Variants in SKA1 observed in about 807,000 individuals in gnomAD.
The protein encoded by SKA1 is spindle and kinetochore associated complex subunit 1.
SKA1 carries 20 observed loss-of-function variants against 31.8 expected under a neutral mutation model. The observed-to-expected ratio is 0.63, with a 90% CI of 0.44 to 0.91. The LOEUF (loss-of-function observed/expected upper bound fraction) is 0.91. Ranked by LOEUF, SKA1 falls within the 40% of genes least tolerant of loss-of-function variation. The pLI is 0.00. For missense variants in SKA1, 253 were observed against 298.2 expected (o/e 0.85, Z 1.12); for synonymous variants, 88 against 100.5 (o/e 0.88, Z 0.74).
At chr18:50,387,824 G>A (rs8086801) in intron 5 of SKA1, among the ~76,000 whole-genome samples, 9,226 of 152,164 alleles carry the variant, frequency 0.061, 790 homozygotes, top group African/African-American at 0.18. Flanking sequence ...TTGAGTTAGT[G>A]GTTTGATACT....
intron 2 of SKA1, among the ~76,000 whole-genome samples, 176 bp from the exon 3 acceptor site, chr18:50,379,950 T>G (rs767865554): frequency 1.2e-4 from 18 of 152,210 alleles, no homozygotes; most frequent in Non-Finnish European, 2.4e-4. Context: ...TGTTCCATAC[T>G]ACTTAGAAAT....
In SKA1 at chr18:50,392,374, G is replaced by T; in HGVS notation, c.*127G>T. 1 of 596,654 alleles carries T rather than the reference G, an allele frequency of 1.7e-6. No individual in the cohort carries two copies. Among genetic ancestry groups the T allele is most frequent in the Non-Finnish European group, 2.4e-6 (1 of 423,102 alleles). The allele number at this position is 596,654 out of a possible 1,614,324, so 37.0% of individuals were successfully genotyped here. A position where few individuals can be genotyped will look rare whatever the true frequency, so the allele number is the denominator to read the frequency against. On this transcript the variant is annotated 3_prime_UTR_variant, in exon 7 of 7. Transcript: ENST00000285116. ...TTCCTTTTTTTTTTTTTTGAGACAG[G>T]ATCTTGCTTTGTCACCCAGGGGCTT...
At position 50,392,347 on chromosome 18, in the gene SKA1, G is replaced by GT; in HGVS notation, c.*103dup. The stretch of plus-strand genomic sequence containing the variant: ...ATTTTTTTAACTTTTAATCTTTTTT[G>GT]TTTCCTTTTTTTTTTTTTTGAGACA... On this transcript the variant is annotated 3_prime_UTR_variant, in exon 7 of 7. Transcript: ENST00000285116. 2 of 784,016 alleles carry GT rather than the reference G, an allele frequency of 2.6e-6. No individual in the cohort carries two copies. 48.6% of individuals were successfully genotyped at this position (784,016 alleles called of 1,614,324 possible).
chr18:50,383,197 A>G (rs149690620), intron 4 of SKA1, among the ~76,000 whole-genome samples: 1 of 152,240 alleles, frequency 6.6e-6, no homozygotes, highest in East Asian at 1.9e-4. Flanking sequence ...CACCACACCT[A>G]GGGTGGTTGA....
At chr18:50,384,870 T>TAAAAAAAAAAAA (rs1568329774) in intron 4 of SKA1, among the ~76,000 whole-genome samples, 1 of 61,306 alleles carries the variant, frequency 1.6e-5, no homozygotes, top group Non-Finnish European at 2.9e-5. Context: ...AAAAAAAAAA[T>TAAAAAAAAAAAA]TAAAAAAAAA....
chr18:50,391,342 A>T, intron 6 of SKA1, 49 bp downstream of exon 6: 2 of 1,361,542 alleles, frequency 1.5e-6, no homozygotes, highest in South Asian at 4.2e-5. Flanking sequence ...TCAGAGTATA[A>T]CTAAATCACG....
intron 5 of SKA1, among the ~76,000 whole-genome samples, chr18:50,386,288 G>T (rs1448471352): frequency 6.6e-6 from 1 of 152,102 alleles, no homozygotes; most frequent in African/African-American, 2.4e-5. Flanking sequence ...AGGCTGTTTT[G>T]CAATTTTTTT....
chr18:50,384,269 G>A (rs1282276326), intron 4 of SKA1, among the ~76,000 whole-genome samples: 1 of 152,048 alleles, frequency 6.6e-6, no homozygotes. Context: ...AATATTACAG[G>A]TATTTCTTAT....
intron 6 of SKA1, among the ~76,000 whole-genome samples, chr18:50,391,618 ACT>A (rs1425970166): frequency 6.6e-6 from 1 of 152,184 alleles, no homozygotes. Flanking sequence ...CTATTGTGAA[ACT>A]ATGCCCAATG....
intron 3 of SKA1, 113 bp from the exon 4 acceptor site, chr18:50,382,016 C>T (rs1350047347): frequency 1.6e-5 from 11 of 671,270 alleles, no homozygotes; most frequent in South Asian, 6.0e-5. Flanking sequence ...TGAGCCACCG[C>T]GTCCAGCCAC....
At chr18:50,391,921 C>G (rs995382214) in intron 6 of SKA1, among the ~76,000 whole-genome samples, 178 bp from the exon 7 acceptor site, 19 of 152,202 alleles carry the variant, frequency 1.2e-4, no homozygotes, top group Non-Finnish European at 2.5e-4. Flanking sequence ...TAATAAATAT[C>G]ATGCATGCAA....
Position 50,392,120 on chromosome 18 carries a change from C to G in SKA1, c.641C>G (p.Ala214Gly), listed in dbSNP as rs2041361697. ...DTKGRYFIVE[A>G]DIKEFTTLKA... ...TTAGGTCGTTATTTTATAGTGGAAG[C>G]TGACATAAAGGAGTTCACAACTTTG... Residue 214 changes from alanine to glycine, a missense_variant, in exon 7 of 7, where the codon GCT becomes GGT. Transcript: ENST00000285116. The G allele has an allele frequency of 1.3e-6, 2 of 1,586,724 alleles. No homozygotes were observed. Among genetic ancestry groups the G allele is most frequent in the Admixed American group, 2.0e-5 (1 of 50,964 alleles).
intron 6 of SKA1, 40 bp downstream of exon 6, chr18:50,391,333 C>T (rs779754595): frequency 6.4e-6 from 9 of 1,396,558 alleles, no homozygotes; most frequent in Non-Finnish European, 8.5e-6. Flanking sequence ...GTGAACTGTT[C>T]AGAGTATAAC....
At chr18:50,385,125 C>G (rs1023248535) in intron 4 of SKA1, 91 bp from the exon 5 acceptor site, 2 of 1,018,496 alleles carry the variant, frequency 2.0e-6, no homozygotes, top group Non-Finnish European at 2.8e-6. Flanking sequence ...GGATGAGTTA[C>G]GTATTTAATA....
chr18:50,392,194 C>A lies in SKA1; in HGVS notation c.715C>A (p.Arg239=), dbSNP rs761495686. The stretch of plus-strand genomic sequence containing the variant: ...GTTACTGAATATTTTACGACACTGC[C>A]GGAGGCTATCAGAGGTCCGAGGGGG... ...HVLLNILRHC[R]RLSEVRGGGL... Residue 239 remains arginine (R), a synonymous_variant, in exon 7 of 7, where the codon CGG becomes AGG. Coordinates refer to ENST00000285116, the MANE Select transcript of SKA1 (RefSeq NM_145060.4). 134 of 1,607,522 alleles carry A rather than the reference C, an allele frequency of 8.3e-5. No individual in the cohort carries two copies. Among genetic ancestry groups the A allele is most frequent in the Non-Finnish European group, 1.1e-4 (127 of 1,178,720 alleles).
At position 50,384,494 on chromosome 18, in the gene SKA1, C is replaced by G. The variant is rs370997970; in HGVS notation, c.312-722C>G. The stretch of plus-strand genomic sequence containing the variant: ...TTGGGCAGATTGAATCCAGGGGTGA[C>G]CCATGATCATTGCTGGCAACTAAAA... On this transcript the variant is annotated intron_variant, in intron 4 of 6. Coordinates refer to ENST00000285116, the MANE Select transcript of SKA1 (RefSeq NM_145060.4). Among the ~76,000 whole-genome samples the G allele has an allele frequency of 2.0e-5, 3 of 152,164 alleles. No individual in the cohort carries two copies. In the East Asian group the frequency reaches 5.8e-4, roughly 29 times the overall value.
At chr18:50,390,749 G>A (rs747747479) in intron 5 of SKA1, among the ~76,000 whole-genome samples, 1 of 151,966 alleles carries the variant, frequency 6.6e-6, no homozygotes, top group Non-Finnish European at 1.5e-5. Context: ...TAGCACTAGA[G>A]TGCTATAAGT....
At chr18:50,379,159 C>A (rs576886146) in intron 2 of SKA1, among the ~76,000 whole-genome samples, 1 of 152,270 alleles carries the variant, frequency 6.6e-6, no homozygotes, top group South Asian at 2.1e-4. Flanking sequence ...GGTAGTTTTT[C>A]TTCTGTGCTT....
Position 50,392,088 on chromosome 18 carries a change from T to C in SKA1, c.620-11T>C. On this transcript the variant is annotated splice_polypyrimidine_tract_variant and intron_variant, in intron 6 of 6. Coordinates refer to ENST00000285116, the MANE Select transcript of SKA1 (RefSeq NM_145060.4). ...CCTTATAAAAATTAGCACTAATATC[T>C]TTATTTTTAGGTCGTTATTTTATAG... is the stretch of plus-strand genomic sequence containing the variant. 6.4e-7 allele frequency: 1 copy of C among 1,554,734 alleles called. No individual in the cohort carries two copies. The highest frequency in any genetic ancestry group is 8.6e-7 in the Non-Finnish European group (1 of 1,156,974).
Sources: allele counts gnomAD v4.1 joint callset (sites outside exome capture counted in the v4.1 genomes callset), GRCh38; gene constraint gnomAD v4.1.1; transcripts MANE v1.5; gene names NCBI Gene and HGNC (gene_info 2026-07-23, HGNC 2026-07-21).